DGKQ: variants seen among roughly 807,000 people sequenced by gnomAD.
DGKQ encodes the protein diacylglycerol kinase theta, also known as DAG kinase theta.
Under a neutral mutation model 104.2 loss-of-function variants are expected in DGKQ, and 97 were observed. The ratio of observed to expected loss-of-function variants is 0.93; its 90% CI spans 0.79 to 1.10. The LOEUF (loss-of-function observed/expected upper bound fraction) is 1.10, where lower values mean the gene tolerates loss of function less well. Ranked by LOEUF, DGKQ falls within the 50% of genes least tolerant of loss-of-function variation. The pLI is 0.00. For missense variants in DGKQ, 1,465 were observed against 1,352.1 expected (o/e 1.08, Z -1.31); for synonymous variants, 736 against 595.2 (o/e 1.24, Z -3.44).
Position 968,317 on chromosome 4 carries a change from G to A in DGKQ, c.628C>T (p.Leu210=), listed in dbSNP as rs777118339. 8.6e-7 allele frequency: 1 copy of A among 1,158,390 alleles called. No individual in the cohort carries two copies. Among genetic ancestry groups the A allele is most frequent in the Non-Finnish European group, 1.1e-6 (1 of 924,358 alleles). The allele number at this position is 1,158,390 out of a possible 1,614,324, so 71.8% of individuals were successfully genotyped here. A position where few individuals can be genotyped will look rare whatever the true frequency, so the allele number is the denominator to read the frequency against. The change falls in exon 5 of 23, where the codon CTG becomes TTG. Residue 210 remains leucine, a synonymous_variant. Transcript: ENST00000273814. ...CRKTCGSSDV[L]AGVRCEWCGV... The stretch of plus-strand genomic sequence containing the variant: ...CACCACTCGCAGCGCACGCCGGCCA[G>A]CACGTCAGAGGAGCCGCACGTCTTC...
rs373939199 is a variant in DGKQ at position 960,598 on chromosome 4, C to T, written c.*22G>A. The stretch of plus-strand genomic sequence containing the variant: ...TGGCGGGAGCAGAGATGGCTCGAGC[C>T]CTTGGGCTGCCCCAGCCACCCCTAC... On this transcript the variant is annotated 3_prime_UTR_variant, in exon 23 of 23. Coordinates refer to ENST00000273814, the MANE Select transcript of DGKQ (RefSeq NM_001347.4). 1.9e-6 allele frequency: 3 copies of T among 1,601,604 alleles called. No individual in the cohort carries two copies. In the Admixed American group the frequency reaches 5.0e-5, roughly 27 times the overall value.
In DGKQ at chr4:962,507, G is replaced by T; in HGVS notation, c.2142C>A (p.Arg714=). The T allele has an allele frequency of 6.2e-7, 1 of 1,609,640 alleles. No individual in the cohort carries two copies. ...VDEADAVLMD[R]WTILLDAHEA... is the part of the protein sequence containing the mutation. The stretch of plus-strand genomic sequence containing the variant: ...CGTGGGCATCCAGCAGGATGGTCCA[G>T]CGGTCCATGAGCACGGCGTCGGCCT... The change falls in exon 18 of 23, where the codon CGC becomes CGA. Residue 714 remains arginine (R), a synonymous_variant. Transcript: ENST00000273814.
Position 961,757 on chromosome 4 carries a change from C to G in DGKQ, c.2393G>C (p.Arg798Pro). 6.2e-7 allele frequency: 1 copy of G among 1,612,552 alleles called. No individual in the cohort carries two copies. Among genetic ancestry groups the G allele is most frequent in the Non-Finnish European group, 8.5e-7 (1 of 1,179,810 alleles). Residue 798 changes from arginine (R) to proline (P), a missense_variant, in exon 20 of 23, where the codon CGG becomes CCG. Arg to Pro is a moderately radical substitution (Grantham distance 103). Transcript: ENST00000273814. Reference protein sequence around the residue: ...SHSRSLHKQIRLQVERQEVEL... With the variant: ...SHSRSLHKQIPLQVERQEVEL... ...CACCTCCTGCCGCTCCACCTGCAGC[C>G]GGATCTGCTTGTGCAGGCTCCGAGA...
Position 960,533 on chromosome 4 carries a change from G to T in DGKQ, c.*87C>A, listed in dbSNP as rs1711796166. 1 of 1,259,678 alleles carries T rather than the reference G, an allele frequency of 7.9e-7. No individual in the cohort carries two copies. Among genetic ancestry groups the T allele is most frequent in the African/African-American group, 1.5e-5 (1 of 68,616 alleles). The allele number at this position is 1,259,678 out of a possible 1,614,324, so 78.0% of individuals were successfully genotyped here. ...GTCCGACCACAGGGCCGGCCACTGTGTGGACGTGGAGCTGCCTCCAGACCA... is the reference window on the plus strand; with the variant it reads ...GTCCGACCACAGGGCCGGCCACTGTTTGGACGTGGAGCTGCCTCCAGACCA... On this transcript the variant is annotated 3_prime_UTR_variant, in exon 23 of 23. Transcript: ENST00000273814.
At chr4:964,849 C>T (rs1423745127) in intron 15 of DGKQ, among the ~76,000 whole-genome samples, 1 of 152,110 alleles carries the variant, frequency 6.6e-6, no homozygotes, top group Non-Finnish European at 1.5e-5. Context: ...TCCTGTGGGC[C>T]TCCCTACTGG....
In DGKQ at chr4:968,336, C is replaced by T. The variant is rs190556735; in HGVS notation, c.609G>A (p.Thr203=). 3.3e-6 allele frequency: 5 copies of T among 1,538,310 alleles called. No individual in the cohort carries two copies. The highest frequency in any genetic ancestry group is 4.5e-4 in the Middle Eastern group (2 of 4,456). ...SGARCEVCRK[T]CGSSDVLAGV... ...CGGCCAGCACGTCAGAGGAGCCGCA[C>T]GTCTTCCTGCAGACCTCGCAGCGCG... The change falls in exon 5 of 23, where the codon ACG becomes ACA. Residue 203 remains threonine, a synonymous_variant. Coordinates refer to ENST00000273814, the MANE Select transcript of DGKQ (RefSeq NM_001347.4).
At chr4:961,418 C>T in intron 21 of DGKQ, 49 bp downstream of exon 21, 1 of 1,533,494 alleles carries the variant, frequency 6.5e-7, no homozygotes, top group Non-Finnish European at 8.8e-7. Flanking sequence ...TCAGCGGGGA[C>T]CGGGGACGCC....
At chr4:964,323 G>A (rs1480320877) in intron 15 of DGKQ, among the ~76,000 whole-genome samples, 1 of 152,222 alleles carries the variant, frequency 6.6e-6, no homozygotes, top group East Asian at 1.9e-4. Flanking sequence ...CGCCTGGACT[G>A]GGGTCACGAT....
At chr4:969,718 T>G (rs1378822053) in intron 2 of DGKQ, among the ~76,000 whole-genome samples, 2 of 151,664 alleles carry the variant, frequency 1.3e-5, no homozygotes, top group Non-Finnish European at 2.9e-5. Flanking sequence ...CACACCATTC[T>G]CCTGCCTCAG....
Position 961,166 on chromosome 4 carries a change from C to G in DGKQ, c.2610G>C (p.Arg870=). ...QVQGGLRSGI[R]IAQGSYFRVT... is the part of the protein sequence containing the mutation. ...CTCGGAAGTAGGAACCCTGGGCAAT[C>G]CGGATTCCGGAGCGCAGCCCACCCT... Residue 870 remains arginine (R), a synonymous_variant, in exon 22 of 23, where the codon CGG becomes CGC. Coordinates refer to ENST00000273814, the MANE Select transcript of DGKQ (RefSeq NM_001347.4). 6.3e-7 allele frequency: 1 copy of G among 1,593,278 alleles called. No homozygotes were observed. The highest frequency in any genetic ancestry group is 1.1e-5 in the South Asian group (1 of 88,632).
intron 18 of DGKQ, 61 bp downstream of exon 18, chr4:962,374 C>T (rs1300161261): frequency 7.5e-6 from 11 of 1,460,992 alleles, no homozygotes; most frequent in South Asian, 3.8e-5. Context: ...CCCGTTGTGA[C>T]GCGTGTAGCG....
chr4:970,662 C>G lies in DGKQ; in HGVS notation c.351+331G>C, dbSNP rs552234308. ...CCAGATGCCGAAATCTCCATCCCCC[C>G]CAGGAGCCCTCACGCTGCATGTCAC... On this transcript the variant is annotated intron_variant, in intron 2 of 22. Transcript: ENST00000273814. Among the ~76,000 whole-genome samples, 24 of 152,308 alleles carry G rather than the reference C, an allele frequency of 1.6e-4. No homozygotes were observed. In the South Asian group the frequency reaches 3.1e-3, roughly 20 times the overall value.
At chr4:967,510 C>T in intron 8 of DGKQ, 39 bp downstream of exon 8, 1 of 1,595,704 alleles carries the variant, frequency 6.3e-7, no homozygotes, top group Non-Finnish European at 8.6e-7. Flanking sequence ...ACATGCGGTC[C>T]TGGGAGGGGG....
intron 2 of DGKQ, among the ~76,000 whole-genome samples, chr4:970,760 T>C (rs1460996804): frequency 1.3e-5 from 2 of 152,166 alleles, no homozygotes; most frequent in Non-Finnish European, 2.9e-5. Flanking sequence ...TTTGAGCACA[T>C]TCTATGGACA....
intron 15 of DGKQ, among the ~76,000 whole-genome samples, chr4:964,689 G>A (rs764727607): frequency 2.0e-5 from 3 of 152,224 alleles, no homozygotes; most frequent in Non-Finnish European, 4.4e-5. Flanking sequence ...TCCAGGCAGA[G>A]AGCAGAGGCC....
At chr4:966,206 A>G in intron 12 of DGKQ, 128 bp from the exon 13 acceptor site, 1 of 1,081,930 alleles carries the variant, frequency 9.2e-7, no homozygotes, top group African/African-American at 1.6e-5. Context: ...AGTCAACAGG[A>G]AAACGAGGAA....
chr4:961,609 T>C (rs1711892624), intron 20 of DGKQ, 31 bp from the exon 21 acceptor site: 1 of 1,610,080 alleles, frequency 6.2e-7, no homozygotes, highest in Non-Finnish European at 8.5e-7. Flanking sequence ...CACAGAGGTG[T>C]AGGTGCAGGC....
In DGKQ at chr4:967,111, C is replaced by G. The variant is rs928661107; in HGVS notation, c.1220+18G>C. The G allele has an allele frequency of 1.9e-6, 3 of 1,562,248 alleles. No homozygotes were observed. In the African/African-American group the frequency reaches 4.1e-5, roughly 21 times the overall value. On this transcript the variant is annotated intron_variant, in intron 9 of 22. Coordinates refer to ENST00000273814, the MANE Select transcript of DGKQ (RefSeq NM_001347.4). Reference sequence around the variant, plus strand: ...CCCACCCCGCCCAGCAGACCCTGAGCCTCGGGCCCAGTCTCACTTGAGCCA... The same window carrying G: ...CCCACCCCGCCCAGCAGACCCTGAGGCTCGGGCCCAGTCTCACTTGAGCCA...
intron 2 of DGKQ, 25 bp downstream of exon 2, chr4:970,968 G>T: frequency 6.5e-7 from 1 of 1,536,146 alleles, no homozygotes; most frequent in Non-Finnish European, 8.8e-7. Context: ...CCTCTTGCAG[G>T]TGCAACACCC....
Sources: allele counts gnomAD v4.1 joint callset (sites outside exome capture counted in the v4.1 genomes callset), GRCh38; gene constraint gnomAD v4.1.1; transcripts MANE v1.5; gene names NCBI Gene and HGNC (gene_info 2026-07-23, HGNC 2026-07-21).